Variants in CCDC175 observed in about 807,000 individuals in gnomAD.
CCDC175 encodes coiled-coil domain-containing protein 175.
Under a neutral mutation model 114.6 loss-of-function variants are expected in CCDC175, and 100 were observed. The ratio of observed to expected loss-of-function variants is 0.87; its 90% CI spans 0.74 to 1.03. The LOEUF (loss-of-function observed/expected upper bound fraction) is 1.03, where lower values mean the gene tolerates loss of function less well. CCDC175 is among the 50% of genes least tolerant of loss of function. CCDC175 has a pLI of 0.00. For missense variants in CCDC175, 880 were observed against 917.8 expected, an observed-to-expected ratio of 0.96 and a Z score of 0.53; for synonymous variants, 306 against 308.7, an observed-to-expected ratio of 0.99 and a Z score of 0.09.
intron 10 of CCDC175, among the ~76,000 whole-genome samples, chr14:59,541,907 G>A (rs1373131514): frequency 1.3e-5 from 2 of 152,094 alleles, no homozygotes; most frequent in Admixed American, 1.3e-4. Flanking sequence ...TTAGTAGTTC[G>A]TAGTTTTCCT....
chr14:59,557,010 T>C (rs1391528608), intron 7 of CCDC175, among the ~76,000 whole-genome samples: 1 of 152,226 alleles, frequency 6.6e-6, no homozygotes, highest in African/African-American at 2.4e-5. Context: ...ACTTCTACAC[T>C]GTTGGTGGGA....
chr14:59,536,594 C>A (rs367889697), intron 13 of CCDC175, among the ~76,000 whole-genome samples: 3 of 151,902 alleles, frequency 2.0e-5, no homozygotes, highest in Middle Eastern at 3.4e-3. Flanking sequence ...ACATTGTAGT[C>A]ATTTGTGTCA....
At chr14:59,540,366 C>T (rs1894695723) in intron 11 of CCDC175, among the ~76,000 whole-genome samples, 2 of 152,244 alleles carry the variant, frequency 1.3e-5, no homozygotes, top group South Asian at 2.1e-4. Context: ...TCTTACCATA[C>T]CTGTCACCTC....
chr14:59,521,780 C>T lies in CCDC175; in HGVS notation c.1996-104G>A, dbSNP rs966930596. ...TGTATAAATTCCTCCTCTGCGCCACCCACTATTCTAGGTACAGGGGTAACA... is the reference window on the plus strand; with the variant it reads ...TGTATAAATTCCTCCTCTGCGCCACTCACTATTCTAGGTACAGGGGTAACA... On this transcript the variant is annotated intron_variant, in intron 16 of 19. Coordinates refer to ENST00000537690, the MANE Select transcript of CCDC175 (RefSeq NM_001164399.2). 1.7e-4 allele frequency: 111 copies of T among 670,704 alleles called. 1 individual carries two copies. The African/African-American group carries it at 1.7e-3, about 10-fold the overall frequency. The allele number at this position is 670,704 out of a possible 1,614,324, so 41.5% of individuals were successfully genotyped here.
chr14:59,515,202 C>A, intron 17 of CCDC175, among the ~76,000 whole-genome samples: 1 of 152,168 alleles, frequency 6.6e-6, no homozygotes. Context: ...GTACCAGCCA[C>A]TGAAAAAGCA....
intron 3 of CCDC175, among the ~76,000 whole-genome samples, chr14:59,571,873 C>A (rs1290320060): frequency 6.6e-6 from 1 of 151,934 alleles, no homozygotes; most frequent in African/African-American, 2.4e-5. Context: ...ATCCCTAATC[C>A]AAAAATCTGA....
chr14:59,563,051 C>T (rs1195669387), intron 6 of CCDC175, among the ~76,000 whole-genome samples: 2 of 152,102 alleles, frequency 1.3e-5, no homozygotes, highest in Non-Finnish European at 2.9e-5. Context: ...AGAAAAAATA[C>T]ACTAAAGATT....
At chr14:59,534,306 A>G (rs1894264702) in intron 13 of CCDC175, among the ~76,000 whole-genome samples, 1 of 152,140 alleles carries the variant, frequency 6.6e-6, no homozygotes, top group African/African-American at 2.4e-5. Flanking sequence ...TTCCTAAGCC[A>G]CATGCATATT....
chr14:59,573,234 T>C (rs559526023), intron 2 of CCDC175, among the ~76,000 whole-genome samples: 1 of 152,310 alleles, frequency 6.6e-6, no homozygotes, highest in East Asian at 1.9e-4. Flanking sequence ...TAGGTAAAGC[T>C]GTTATTATTA....
At chr14:59,572,474 T>C (rs1022107332) in intron 3 of CCDC175, among the ~76,000 whole-genome samples, 4 of 152,208 alleles carry the variant, frequency 2.6e-5, no homozygotes, top group Non-Finnish European at 5.9e-5. Context: ...GGCTGATCCA[T>C]TTATCTATAG....
intron 10 of CCDC175, among the ~76,000 whole-genome samples, 191 bp from the exon 11 acceptor site, chr14:59,540,937 T>C (rs940739945): frequency 2.0e-5 from 3 of 152,188 alleles, no homozygotes; most frequent in Non-Finnish European, 4.4e-5. Context: ...TGCAAACTGA[T>C]TCTGCAACGG....
chr14:59,563,892 A>C (rs770367990), intron 5 of CCDC175, 33 bp from the exon 6 acceptor site: 67 of 1,340,460 alleles, frequency 5.0e-5, no homozygotes, highest in Non-Finnish European at 6.1e-5. Context: ...CCAATTTAAA[A>C]AGCCTATTAG....
chr14:59,568,388 G>A lies in CCDC175; in HGVS notation c.356-8C>T, dbSNP rs768852609. The stretch of plus-strand genomic sequence containing the variant: ...GAGCGTCTCGGACACATTCTTCAAA[G>A]TAAGTGGAAATATTACTACATTATT... On this transcript the variant is annotated splice_region_variant and splice_polypyrimidine_tract_variant and intron_variant, in intron 3 of 19. Coordinates refer to ENST00000537690, the MANE Select transcript of CCDC175 (RefSeq NM_001164399.2). 6.7e-6 allele frequency: 10 copies of A among 1,498,174 alleles called. No homozygotes were observed. Among genetic ancestry groups the A allele is most frequent in the Non-Finnish European group, 8.8e-6 (10 of 1,133,336 alleles). 92.8% of individuals were successfully genotyped at this position (1,498,174 alleles called of 1,614,324 possible).
chr14:59,565,298 A>G, intron 4 of CCDC175, 23 bp from the exon 5 acceptor site: 1 of 1,518,216 alleles, frequency 6.6e-7, no homozygotes, highest in Non-Finnish European at 8.8e-7. Flanking sequence ...AATTGCTCAC[A>G]GAGTGAGAAG....
intron 1 of CCDC175, among the ~76,000 whole-genome samples, chr14:59,575,279 C>A (rs1007584214): frequency 2.1e-5 from 2 of 93,296 alleles, no homozygotes; most frequent in African/African-American, 7.8e-5. Context: ...TAACTCAGGG[C>A]AAGAGGGTGT....
intron 19 of CCDC175, among the ~76,000 whole-genome samples, chr14:59,507,750 C>G (rs532459221): frequency 1.3e-5 from 2 of 152,178 alleles, no homozygotes; most frequent in Non-Finnish European, 2.9e-5. Flanking sequence ...TGTTTTATAA[C>G]TCCTGTTAGT....
At chr14:59,572,585 T>C (rs768072675) in intron 3 of CCDC175, 117 bp downstream of exon 3, 3 of 545,408 alleles carry the variant, frequency 5.5e-6, no homozygotes, top group Non-Finnish European at 9.3e-6. Flanking sequence ...GTTTGTGTCA[T>C]GTATGCTTTC....
Position 59,539,399 on chromosome 14 carries a change from G to T in CCDC175, c.1356-559C>A, listed in dbSNP as rs148692816. ...TCAAGACCAGCCTGCCCAACATGGA[G>T]AAACCCTGTCTCTACTAAAAATACA... On this transcript the variant is annotated intron_variant, in intron 11 of 19. Coordinates refer to ENST00000537690, the MANE Select transcript of CCDC175 (RefSeq NM_001164399.2). Among the ~76,000 whole-genome samples, 616 of 152,134 alleles carry T rather than the reference G, an allele frequency of 4.0e-3. 3 individuals are homozygous for T. Among genetic ancestry groups the T allele is most frequent in the African/African-American group, 0.014 (577 of 41,478 alleles).
At chr14:59,563,952 A>T (rs1039562049) in intron 5 of CCDC175, 93 bp from the exon 6 acceptor site, 91 of 777,604 alleles carry the variant, frequency 1.2e-4, no homozygotes, top group Non-Finnish European at 1.5e-4. Flanking sequence ...CCTAATTCAT[A>T]TTTAATCTAA....
Sources: allele counts gnomAD v4.1 joint callset (sites outside exome capture counted in the v4.1 genomes callset), GRCh38; gene constraint gnomAD v4.1.1; transcripts MANE v1.5; gene names NCBI Gene and HGNC (gene_info 2026-07-23, HGNC 2026-07-21).